MACROD2: variants seen among roughly 807,000 people sequenced by gnomAD.
MACROD2 encodes the protein ADP-ribose glycohydrolase MACROD2.
Under a neutral mutation model 70.4 loss-of-function variants are expected in MACROD2, and 36 were observed. The observed-to-expected ratio is 0.51, with a 90% CI of 0.39 to 0.68. The LOEUF (loss-of-function observed/expected upper bound fraction) is 0.68, where lower values mean the gene tolerates loss of function less well. Among genes scored for constraint, MACROD2 ranks in the 30% least tolerant of loss-of-function variants. MACROD2 has a pLI of 0.00. For synonymous variants in MACROD2, 172 were observed against 178.8 expected (o/e 0.96, Z 0.30); for missense variants, 496 against 538.4 (o/e 0.92, Z 0.78).
intron 3 of MACROD2, among the ~76,000 whole-genome samples, chr20:14,103,970 G>A (rs2054333967): frequency 1.3e-5 from 2 of 152,056 alleles, no homozygotes; most frequent in South Asian, 4.1e-4. Context: ...AAGCATGAAA[G>A]TTTTAAAACT....
At chr20:14,395,962 C>A (rs2083575842) in intron 3 of MACROD2, among the ~76,000 whole-genome samples, 1 of 151,998 alleles carries the variant, frequency 6.6e-6, no homozygotes, top group African/African-American at 2.4e-5. Flanking sequence ...TCTACAATGC[C>A]CAAGGTAGAC....
chr20:14,633,664 G>A (rs529740661), intron 4 of MACROD2, among the ~76,000 whole-genome samples: 1 of 152,010 alleles, frequency 6.6e-6, no homozygotes, highest in Non-Finnish European at 1.5e-5. Context: ...CCCAGTTATC[G>A]AGGCTTCCCT....
chr20:15,979,596 C>G (rs1361451896), intron 13 of MACROD2, among the ~76,000 whole-genome samples: 1 of 152,096 alleles, frequency 6.6e-6, no homozygotes, highest in Non-Finnish European at 1.5e-5. Context: ...TATAACCAAC[C>G]CTAGCTCTAG....
chr20:14,511,657 A>G (rs191170521), intron 4 of MACROD2, among the ~76,000 whole-genome samples: 6 of 118,810 alleles, frequency 5.1e-5, no homozygotes, highest in South Asian at 3.6e-4. Flanking sequence ...TTTAAACGCT[A>G]TGTCTGTTGT....
intron 6 of MACROD2, among the ~76,000 whole-genome samples, chr20:15,304,895 G>A (rs926940992): frequency 1.3e-5 from 2 of 152,204 alleles, no homozygotes; most frequent in African/African-American, 4.8e-5. Context: ...CCATACGGGA[G>A]GCACCCCTCT....
chr20:15,222,240 T>C (rs551950206), intron 5 of MACROD2, among the ~76,000 whole-genome samples: 2 of 152,324 alleles, frequency 1.3e-5, no homozygotes, highest in South Asian at 4.1e-4. Flanking sequence ...CAGGGTGTGT[T>C]GAAGTACATT....
intron 3 of MACROD2, among the ~76,000 whole-genome samples, chr20:14,240,632 T>C (rs1305376778): frequency 6.6e-6 from 1 of 152,078 alleles, no homozygotes; most frequent in African/African-American, 2.4e-5. Context: ...AAGTGGGAGC[T>C]AAACACTGAA....
intron 6 of MACROD2, among the ~76,000 whole-genome samples, chr20:15,282,928 T>C (rs906684536): frequency 6.6e-6 from 1 of 152,178 alleles, no homozygotes; most frequent in African/African-American, 2.4e-5. Context: ...TTTAATTGAC[T>C]CACAGTTCTG....
At chr20:14,204,533 G>A (rs2081507277) in intron 3 of MACROD2, among the ~76,000 whole-genome samples, 1 of 152,144 alleles carries the variant, frequency 6.6e-6, no homozygotes, top group South Asian at 2.1e-4. Context: ...CCATCATGTG[G>A]ACTCCAGGAA....
intron 10 of MACROD2, among the ~76,000 whole-genome samples, chr20:15,932,907 T>G (rs2065600704): frequency 6.6e-6 from 1 of 152,182 alleles, no homozygotes; most frequent in South Asian, 2.1e-4. Context: ...GCGAGAAACT[T>G]AGCCAACCTT....
intron 12 of MACROD2, among the ~76,000 whole-genome samples, chr20:15,966,272 G>T (rs552173891): frequency 3.9e-4 from 60 of 152,276 alleles, no homozygotes; most frequent in African/African-American, 1.4e-3. Flanking sequence ...AGTAATCAAG[G>T]TGTTGCTGTA....
chr20:15,243,819 G>A (rs2077081915), intron 6 of MACROD2, among the ~76,000 whole-genome samples: 1 of 151,682 alleles, frequency 6.6e-6, no homozygotes, highest in Non-Finnish European at 1.5e-5. Context: ...CCAGCTACTG[G>A]GGAGGCTGAG....
chr20:15,921,008 C>A (rs114331631), intron 10 of MACROD2, among the ~76,000 whole-genome samples: 2,519 of 152,228 alleles, frequency 0.017, 69 homozygotes, highest in African/African-American at 0.058. Flanking sequence ...TTATCTCAGG[C>A]TTCTGCTATC....
At chr20:15,360,761 A>G (rs963264204) in intron 6 of MACROD2, among the ~76,000 whole-genome samples, 4 of 151,386 alleles carry the variant, frequency 2.6e-5, no homozygotes, top group African/African-American at 9.7e-5. Flanking sequence ...GGTATGTAGT[A>G]CTCTCTCCTC....
intron 3 of MACROD2, among the ~76,000 whole-genome samples, chr20:14,295,213 T>C (rs1340762642): frequency 1.3e-5 from 2 of 151,898 alleles, no homozygotes. Flanking sequence ...TCTTTATTAC[T>C]CTTGGGGAAG....
At chr20:15,104,558 C>T (rs1380839918) in intron 5 of MACROD2, among the ~76,000 whole-genome samples, 4 of 152,254 alleles carry the variant, frequency 2.6e-5, no homozygotes, top group South Asian at 2.1e-4. Flanking sequence ...TGAATAAGTG[C>T]GTTTGATACT....
rs538167924 is a variant in MACROD2, at chr20:14,850,872, A to G, written c.418+165913A>G. Reference sequence around the variant, plus strand: ...CATGAATGTCAATGGCAATTATAATATATAAAAAAGATAATAGTGTTTTAG... The same window carrying G: ...CATGAATGTCAATGGCAATTATAATGTATAAAAAAGATAATAGTGTTTTAG... On this transcript the variant is annotated intron_variant, in intron 5 of 17. Transcript: ENST00000684519. Among the ~76,000 whole-genome samples the G allele has an allele frequency of 5.9e-5, 9 of 152,334 alleles. No homozygotes were observed. In the East Asian group the frequency reaches 1.5e-3, roughly 26 times the overall value.
chr20:14,617,310 C>T (rs1356718830), intron 4 of MACROD2, among the ~76,000 whole-genome samples: 2 of 152,092 alleles, frequency 1.3e-5, no homozygotes, highest in Admixed American at 6.6e-5. Flanking sequence ...ATCTTTCCTC[C>T]TTTGTTGGTT....
intron 5 of MACROD2, among the ~76,000 whole-genome samples, chr20:15,101,547 A>AAAAAAAAAAAAAAAAAAC (rs1239180906): frequency 6.7e-6 from 1 of 149,854 alleles, no homozygotes; most frequent in African/African-American, 2.4e-5. Context: ...AAAAAAAAAA[A>AAAAAAAAAAAAAAAAAAC]AGCATTCTGG....
Sources: allele counts gnomAD v4.1 joint callset (sites outside exome capture counted in the v4.1 genomes callset), GRCh38; gene constraint gnomAD v4.1.1; transcripts MANE v1.5; gene names NCBI Gene and HGNC (gene_info 2026-07-23, HGNC 2026-07-21).